The following SI variants were observed in gnomAD, a reference collection of about 807,000 sequenced individuals.
SI encodes sucrase-isomaltase.
SI carries 235 observed loss-of-function variants against 253.3 expected under a neutral mutation model. The ratio of observed to expected loss-of-function variants is 0.93; its 90% CI spans 0.83 to 1.03. The LOEUF is 1.03. Among genes scored for constraint, SI ranks in the 50% least tolerant of loss-of-function variants. The pLI is 0.00. For missense variants in SI, 2,442 were observed against 2,211.1 expected, an observed-to-expected ratio of 1.10 and a Z score of -2.09; for synonymous variants, 819 against 712.0, an observed-to-expected ratio of 1.15 and a Z score of -2.39.
At chr3:165,052,679 A>C (rs1010636715) in intron 13 of SI, among the ~76,000 whole-genome samples, 6 of 152,038 alleles carry the variant, frequency 3.9e-5, no homozygotes, top group African/African-American at 4.8e-5. Context: ...AAAATCGTCA[A>C]CTTTGTTTCT....
rs1379560202 is a variant in SI at position 165,037,960 on chromosome 3, A to G, written c.2366T>C (p.Leu789Ser). 1.2e-6 allele frequency: 2 copies of G among 1,611,660 alleles called. No homozygotes were observed. Among genetic ancestry groups the G allele is most frequent in the Admixed American group, 3.3e-5 (2 of 59,802 alleles). Residue 789 changes from leucine (L) to serine (S), a missense_variant, in exon 21 of 48, where the codon TTA becomes TCA. By Grantham distance (145) the Leu-to-Ser change is moderately radical. Transcript: ENST00000264382. ...DMYLPADKIGLHLRGGYIIPI... is the reference protein window; with the variant it reads ...DMYLPADKIGSHLRGGYIIPI... ...GATGATATAACCTCCTCTAAGATGTAATCCTATTTTGTCTGCTGGAAGATA... is the reference window on the plus strand; with the variant it reads ...GATGATATAACCTCCTCTAAGATGTGATCCTATTTTGTCTGCTGGAAGATA...
At chr3:165,052,614 G>A (rs114072224) in intron 13 of SI, among the ~76,000 whole-genome samples, 2,434 of 151,954 alleles carry the variant, frequency 0.016, 70 homozygotes, top group African/African-American at 0.055. Flanking sequence ...CCAAGTTAGC[G>A]CCACAGCACT....
At chr3:165,087,561 G>A in the SI span, among the ~76,000 whole-genome samples, 2 of 152,000 alleles carry the variant, frequency 1.3e-5, no homozygotes, top group African/African-American at 4.8e-5. Context: ...TTCAATTAGG[G>A]TACTCATAGC....
At position 165,039,957 on chromosome 3, in the gene SI, G is replaced by C. The variant is rs775552769; in HGVS notation, c.2174C>G (p.Thr725Arg). Reference protein sequence around the residue: ...RPVLHEFYEDTNSWIEDTEFL... With the variant: ...RPVLHEFYEDRNSWIEDTEFL... ...CTCAGTGTCCTCAATCCAGCTGTTC[G>C]TATCCTCATAAAACCTAAGAACAAT... Residue 725 changes from threonine to arginine, a missense_variant, in exon 19 of 48, where the codon ACG (threonine) becomes AGG (arginine). By Grantham distance (71) the Thr-to-Arg change is moderately conservative (BLOSUM62 -1). Coordinates refer to ENST00000264382, the MANE Select transcript of SI (RefSeq NM_001041.4). 6.2e-7 allele frequency: 1 copy of C among 1,611,672 alleles called. No individual in the cohort carries two copies. Among genetic ancestry groups the C allele is most frequent in the Middle Eastern group, 1.7e-4 (1 of 6,050 alleles).
At chr3:165,072,456 T>TA (rs1223692399) in intron 3 of SI, among the ~76,000 whole-genome samples, 5 of 151,958 alleles carry the variant, frequency 3.3e-5, no homozygotes, top group Non-Finnish European at 7.4e-5. Context: ...AAAGTTTGAA[T>TA]AAAAATCATA....
rs759867192 is a variant in SI, at chr3:164,982,273, C to T, written c.5385G>A (p.Ser1795=). 38 of 1,612,696 alleles carry T rather than the reference C, an allele frequency of 2.4e-5. No homozygotes were observed. Among genetic ancestry groups the T allele is most frequent in the Admixed American group, 5.0e-5 (3 of 59,814 alleles). The change falls in exon 47 of 48, where the codon TCG becomes TCA. Residue 1795 remains serine (S), a synonymous_variant. Coordinates refer to ENST00000264382, the MANE Select transcript of SI (RefSeq NM_001041.4). ...TGGTAGTGTCTTCATTAAAAGGAAG[C>T]GAATTTTTATTTCCGTTATACGTTA... ...VTLTYNGNKN[S]LPFNEDTTNM...
chr3:165,055,515 C>A (rs895619797), intron 12 of SI, among the ~76,000 whole-genome samples: 2 of 151,654 alleles, frequency 1.3e-5, no homozygotes, highest in Non-Finnish European at 2.9e-5. Flanking sequence ...AATCATGAAG[C>A]ATTTAGGAAG....
chr3:165,052,053 C>A (rs1030631220), intron 13 of SI, among the ~76,000 whole-genome samples: 2 of 151,826 alleles, frequency 1.3e-5, no homozygotes, highest in African/African-American at 4.8e-5. Flanking sequence ...TAATACATGA[C>A]ATTTAATATT....
rs1324457122 is a variant in SI at position 165,017,616 on chromosome 3, A to G, written c.3691T>C (p.Tyr1231His). The G allele has an allele frequency of 3.7e-6, 6 of 1,612,724 alleles. No homozygotes were observed. Among genetic ancestry groups the G allele is most frequent in the Non-Finnish European group, 5.1e-6 (6 of 1,179,080 alleles). The change falls in exon 31 of 48, where the codon TAT becomes CAT. Residue 1231 changes from tyrosine to histidine, a missense_variant. Transcript: ENST00000264382. ...ACCTCTGAAGTATTTGCATATCCAT[A>G]ACGACATAATTGGAATCCCAAAGCC... ...YWALGFQLCR[Y>H]GYANTSEVRE... is the part of the protein sequence containing the mutation.
At chr3:164,982,816 A>C (rs6774569) in intron 46 of SI, among the ~76,000 whole-genome samples, 186 bp downstream of exon 46, 7,342 of 151,804 alleles carry the variant, frequency 0.048, 608 homozygotes, top group African/African-American at 0.17. Context: ...TGCCACCATA[A>C]CTGGCTAATG....
At chr3:165,025,761 T>C (rs1393007258) in intron 25 of SI, among the ~76,000 whole-genome samples, 1 of 151,338 alleles carries the variant, frequency 6.6e-6, no homozygotes, top group African/African-American at 2.4e-5. Flanking sequence ...GAAGGAAAGA[T>C]ATAACCTTTT....
chr3:165,079,808 TAA>T (rs1426975303), upstream of SI, among the ~76,000 whole-genome samples: 10 of 151,888 alleles, frequency 6.6e-5, no homozygotes, highest in South Asian at 1.2e-3. Flanking sequence ...GACAGAGATA[TAA>T]GTTGATAGAT....
chr3:165,086,056 C>T, the SI span, among the ~76,000 whole-genome samples: 1 of 152,156 alleles, frequency 6.6e-6, no homozygotes, highest in South Asian at 2.1e-4. Flanking sequence ...GAGTTCGAGA[C>T]CAGCCTAGTC....
intron 1 of SI, among the ~76,000 whole-genome samples, chr3:165,076,269 C>T (rs1435863784): frequency 6.6e-6 from 1 of 151,632 alleles, no homozygotes; most frequent in Non-Finnish European, 1.5e-5. Context: ...TACTGATGCA[C>T]ATTACAGTAG....
At chr3:164,980,698 GT>G (rs1378828002) in intron 47 of SI, among the ~76,000 whole-genome samples, 1 of 151,724 alleles carries the variant, frequency 6.6e-6, no homozygotes, top group African/African-American at 2.4e-5. Flanking sequence ...CTTTGTGAAT[GT>G]TTTTAAAGAG....
chr3:165,007,493 T>C (rs1202974281), intron 36 of SI, among the ~76,000 whole-genome samples: 1 of 152,034 alleles, frequency 6.6e-6, no homozygotes, highest in Non-Finnish European at 1.5e-5. Context: ...TTATCCTTAG[T>C]AAAGAAACAC....
In SI at chr3:165,069,064, A is replaced by G. The variant is rs1255618725; in HGVS notation, c.373+14T>C. 2 of 1,515,334 alleles carry G rather than the reference A, an allele frequency of 1.3e-6. No homozygotes were observed. Among genetic ancestry groups the G allele is most frequent in the Non-Finnish European group, 1.8e-6 (2 of 1,090,102 alleles). 93.9% of individuals were successfully genotyped at this position (1,515,334 alleles called of 1,614,324 possible). ...ATATATCATATTGAATCATTATAAC[A>G]GAGGACTTCTTACCAATACTTGTTG... On this transcript the variant is annotated intron_variant, in intron 4 of 47. Transcript: ENST00000264382.
intron 15 of SI, 122 bp from the exon 16 acceptor site, chr3:165,047,134 C>T: frequency 1.4e-6 from 1 of 718,546 alleles, no homozygotes; most frequent in East Asian, 2.7e-5. Flanking sequence ...CCACCCAAAT[C>T]TCATCTTGAA....
At chr3:165,040,429 G>A (rs748420398) in intron 18 of SI, among the ~76,000 whole-genome samples, 30 of 151,832 alleles carry the variant, frequency 2.0e-4, no homozygotes, top group Non-Finnish European at 4.0e-4. Flanking sequence ...TATAAGATAG[G>A]TTCATAAAGT....
Sources: gnomAD v4.1 joint callset for allele counts (sites outside exome capture counted in the v4.1 genomes callset) on GRCh38, gnomAD v4.1.1 for gene constraint, MANE v1.5 for transcripts, NCBI Gene and HGNC (gene_info 2026-07-23, HGNC 2026-07-21) for gene names.